Variants in GPC6 observed in about 807,000 individuals in gnomAD.
GPC6 encodes glypican 6, also known as glypican-6.
GPC6 carries 14 observed loss-of-function variants against 55.2 expected under a neutral mutation model. The observed-to-expected ratio is 0.25, with a 90% confidence interval of 0.17 to 0.40. The LOEUF is 0.40. Among genes scored for constraint, GPC6 ranks in the 10% least tolerant of loss-of-function variants. The probability of loss-of-function intolerance (pLI) is 1.00; values close to 1 mark genes in which losing one functional copy is unlikely to be tolerated. For missense variants in GPC6, 641 were observed against 708.5 expected, an observed-to-expected ratio of 0.90 and a Z score of 1.08; for synonymous variants, 278 against 259.6, an observed-to-expected ratio of 1.07 and a Z score of -0.68.
intron 2 of GPC6, among the ~76,000 whole-genome samples, chr13:93,573,637 G>A (rs921364690): frequency 2.6e-5 from 4 of 152,080 alleles, no homozygotes; most frequent in Non-Finnish European, 5.9e-5. Flanking sequence ...GTTAGGTACT[G>A]GGTAAGATTG....
chr13:93,956,430 C>T (rs376047434), intron 3 of GPC6, among the ~76,000 whole-genome samples: 13 of 152,192 alleles, frequency 8.5e-5, no homozygotes, highest in African/African-American at 3.1e-4. Context: ...AAAGTTAAAA[C>T]TACTCAGACT....
intron 4 of GPC6, among the ~76,000 whole-genome samples, chr13:94,204,412 C>T (rs1889843334): frequency 6.6e-6 from 1 of 152,120 alleles, no homozygotes. Flanking sequence ...CCAGCCAACG[C>T]CTACAAAAGT....
chr13:93,624,250 C>T (rs1879097745), intron 2 of GPC6, among the ~76,000 whole-genome samples: 1 of 151,954 alleles, frequency 6.6e-6, no homozygotes, highest in Non-Finnish European at 1.5e-5. Context: ...AGTGGACAAG[C>T]TAATGGGAGA....
intron 2 of GPC6, among the ~76,000 whole-genome samples, chr13:93,625,665 C>T (rs1338857269): frequency 6.6e-6 from 1 of 152,198 alleles, no homozygotes; most frequent in Non-Finnish European, 1.5e-5. Flanking sequence ...AAAATCCCTC[C>T]TTCTACCTCT....
At chr13:94,336,303 T>C (rs1472284200) in intron 6 of GPC6, among the ~76,000 whole-genome samples, 6 of 152,096 alleles carry the variant, frequency 3.9e-5, no homozygotes, top group Admixed American at 2.6e-4. Flanking sequence ...CCAAGCAGGG[T>C]GTGAACTAGC....
intron 6 of GPC6, among the ~76,000 whole-genome samples, chr13:94,310,344 T>G (rs572336749): frequency 6.6e-6 from 1 of 152,278 alleles, no homozygotes; most frequent in South Asian, 2.1e-4. Flanking sequence ...GCCATAAATC[T>G]CCAGTAAGTA....
intron 2 of GPC6, among the ~76,000 whole-genome samples, chr13:93,667,068 G>A (rs555483144): frequency 5.3e-5 from 8 of 152,072 alleles, no homozygotes; most frequent in Admixed American, 3.9e-4. Context: ...CTCTCCAGCC[G>A]CTGTGTCTAT....
chr13:93,549,366 T>C (rs745344497), intron 2 of GPC6, among the ~76,000 whole-genome samples: 2 of 152,216 alleles, frequency 1.3e-5, no homozygotes, highest in Non-Finnish European at 2.9e-5. Context: ...AGTCCTCTTT[T>C]GCTGTTGGCT....
intron 2 of GPC6, among the ~76,000 whole-genome samples, chr13:93,798,173 TCA>T (rs1239265467): frequency 3.3e-5 from 5 of 152,146 alleles, no homozygotes; most frequent in African/African-American, 1.2e-4. Flanking sequence ...TCACATAATG[TCA>T]CATCTCTGCT....
chr13:94,240,797 G>T (rs917116663), intron 4 of GPC6, among the ~76,000 whole-genome samples: 18 of 152,104 alleles, frequency 1.2e-4, no homozygotes, highest in Admixed American at 8.5e-4. Flanking sequence ...AGAGCAGAAG[G>T]TGGAATTACA....
chr13:93,709,828 T>G (rs1882992368), intron 2 of GPC6, among the ~76,000 whole-genome samples: 1 of 151,762 alleles, frequency 6.6e-6, no homozygotes, highest in South Asian at 2.1e-4. Flanking sequence ...GAGAAAAGAT[T>G]TGAGTAGTTT....
Position 93,236,392 on chromosome 13 carries a change from C to G in GPC6, c.160+8776C>G, listed in dbSNP as rs180879909. Among the ~76,000 whole-genome samples, 136 of 152,168 alleles carry G rather than the reference C, an allele frequency of 8.9e-4. 1 individual carries two copies. The highest frequency in any genetic ancestry group is 1.5e-3 in the Non-Finnish European group (102 of 68,008). On this transcript the variant is annotated intron_variant, in intron 1 of 8. Coordinates refer to ENST00000377047, the MANE Select transcript of GPC6 (RefSeq NM_005708.5). ...CATCCCTCACCCTCTTCCCACCCTC[C>G]CTACTTCTTAGTCTCCGGTGTCTAT...
At chr13:93,424,549 G>A (rs1877049125) in intron 1 of GPC6, among the ~76,000 whole-genome samples, 1 of 151,952 alleles carries the variant, frequency 6.6e-6, no homozygotes, top group African/African-American at 2.4e-5. Context: ...AATTTCCACT[G>A]AACTCTAAAA....
intron 3 of GPC6, among the ~76,000 whole-genome samples, chr13:93,993,486 G>A (rs1024195566): frequency 1.3e-5 from 2 of 151,616 alleles, no homozygotes; most frequent in Non-Finnish European, 2.9e-5. Context: ...AGTAGAAACG[G>A]TGTTTCACCA....
At chr13:93,292,730 T>C (rs908101669) in intron 1 of GPC6, among the ~76,000 whole-genome samples, 5 of 144,536 alleles carry the variant, frequency 3.5e-5, no homozygotes, top group Non-Finnish European at 7.6e-5. Context: ...TTACCATCAT[T>C]CTTTTCCCTA....
intron 2 of GPC6, among the ~76,000 whole-genome samples, chr13:93,671,792 C>A (rs1881370329): frequency 6.6e-6 from 1 of 151,990 alleles, no homozygotes; most frequent in African/African-American, 2.4e-5. Context: ...TCCTCTTTGC[C>A]AGCACACTGC....
chr13:93,612,336 A>T lies in GPC6; in HGVS notation c.319+66915A>T, dbSNP rs183332897. Among the ~76,000 whole-genome samples, 283 of 152,240 alleles carry T rather than the reference A, an allele frequency of 1.9e-3. 1 individual carries two copies. The highest frequency in any genetic ancestry group is 3.4e-3 in the Middle Eastern group (1 of 294). On this transcript the variant is annotated intron_variant, in intron 2 of 8. Coordinates refer to ENST00000377047, the MANE Select transcript of GPC6 (RefSeq NM_005708.5). ...AACATGGTGAAACCCTGTCTCTACTAAAAATGCAAAAAATTAGCCGAGCAT... is the reference window on the plus strand; with the variant it reads ...AACATGGTGAAACCCTGTCTCTACTTAAAATGCAAAAAATTAGCCGAGCAT...
intron 1 of GPC6, among the ~76,000 whole-genome samples, chr13:93,388,396 G>T (rs1328345193): frequency 6.6e-6 from 1 of 152,158 alleles, no homozygotes. Context: ...ATCCCTTGGG[G>T]GCTCAAATTG....
At chr13:93,542,744 C>A (rs919749622) in intron 1 of GPC6, among the ~76,000 whole-genome samples, 1 of 152,062 alleles carries the variant, frequency 6.6e-6, no homozygotes, top group Non-Finnish European at 1.5e-5. Flanking sequence ...CATCACGTCC[C>A]TTGTAAGTTG....
Sources: allele counts gnomAD v4.1 joint callset (sites outside exome capture counted in the v4.1 genomes callset), GRCh38; gene constraint gnomAD v4.1.1; transcripts MANE v1.5; gene names NCBI Gene and HGNC (gene_info 2026-07-23, HGNC 2026-07-21).